Variants in FSD1 observed in about 807,000 individuals in gnomAD.
FSD1 encodes fibronectin type III and SPRY domain-containing protein 1.
In FSD1, 23 loss-of-function variants were observed where a neutral mutation model predicts 58.2. The observed-to-expected ratio is 0.40, with a 90% CI of 0.28 to 0.56. The LOEUF (loss-of-function observed/expected upper bound fraction) is 0.56. Ranked by LOEUF, FSD1 falls within the 20% of genes least tolerant of loss-of-function variation. The pLI is 0.54. For synonymous variants in FSD1, 265 were observed against 263.4 expected (o/e 1.01, Z -0.06); for missense variants, 563 against 670.8 (o/e 0.84, Z 1.78).
Position 4,323,607 on chromosome 19 carries a change from C to G in FSD1, c.1455C>G (p.Gly485=). 1 of 1,613,144 alleles carries G rather than the reference C, an allele frequency of 6.2e-7. No individual in the cohort carries two copies. The highest frequency in any genetic ancestry group is 1.3e-5 in the African/African-American group (1 of 75,000). The change falls in exon 13 of 13, where the codon GGC becomes GGG. Residue 485 remains glycine, a synonymous_variant. Transcript: ENST00000221856. This position sits in a 1 kb window ranked among gnomAD's most constrained non-coding sequence, Gnocchi z 7.7. The stretch of plus-strand genomic sequence containing the variant: ...CTGTGCGCTGCCTGCAAAAGCGAGG[C>G]AGTGCTACCAGCAGCTCCAACACCA... ...PSAVRCLQKR[G]SATSSSNTSL...
intron 7 of FSD1, among the ~76,000 whole-genome samples, chr19:4,313,716 CAAA>C (rs545387721): frequency 9.9e-6 from 1 of 101,180 alleles, no homozygotes; most frequent in Non-Finnish European, 2.0e-5. Flanking sequence ...GACTCCGTCT[CAAA>C]AAAAAAAAAA....
At chr19:4,320,195 G>A (rs759952799) in intron 10 of FSD1, among the ~76,000 whole-genome samples, 2 of 152,078 alleles carry the variant, frequency 1.3e-5, no homozygotes, top group Middle Eastern at 3.2e-3. Flanking sequence ...GGGAGAACCT[G>A]CCTTCCACGT....
At chr19:4,315,453 C>T (rs1462812790) in intron 7 of FSD1, among the ~76,000 whole-genome samples, 10 of 151,500 alleles carry the variant, frequency 6.6e-5, no homozygotes, top group African/African-American at 9.7e-5. Context: ...GGACTACAGG[C>T]GCCTGCCACC....
At chr19:4,317,865 A>G (rs1189918743) in intron 8 of FSD1, among the ~76,000 whole-genome samples, 5 of 152,064 alleles carry the variant, frequency 3.3e-5, no homozygotes, top group African/African-American at 1.2e-4. Flanking sequence ...GAAAATACAA[A>G]AATTAGCTGG....
chr19:4,321,745 C>G (rs977098537), intron 10 of FSD1, among the ~76,000 whole-genome samples: 1 of 148,416 alleles, frequency 6.7e-6, no homozygotes, highest in South Asian at 2.2e-4. Flanking sequence ...GGGGAAATAG[C>G]TGGGGCCCAA....
At position 4,307,862 on chromosome 19, in the gene FSD1, T is replaced by C; in HGVS notation, c.244-20T>C. The C allele has an allele frequency of 1.2e-6, 2 of 1,603,540 alleles. No homozygotes were observed. Among genetic ancestry groups the C allele is most frequent in the Non-Finnish European group, 1.7e-6 (2 of 1,173,164 alleles). ...GCAGTGGGGTGAGTTGTCCCCTCCT[T>C]TGGTGCCTGGTATCCACAGAACCAG... is the stretch of plus-strand genomic sequence containing the variant. On this transcript the variant is annotated intron_variant, in intron 3 of 12. Coordinates refer to ENST00000221856, the MANE Select transcript of FSD1 (RefSeq NM_024333.3).
chr19:4,319,017 G>A, intron 10 of FSD1, 66 bp downstream of exon 10: 2 of 1,299,608 alleles, frequency 1.5e-6, no homozygotes, highest in South Asian at 1.2e-5. Context: ...GGGGGTTGAG[G>A]GAGAACCTTT....
rs1971815822 is a variant in FSD1, at chr19:4,321,356, G to A, written c.1040-1630G>A. Among the ~76,000 whole-genome samples, 5 of 123,792 alleles carry A rather than the reference G, an allele frequency of 4.0e-5. No homozygotes were observed. The South Asian group carries it at 1.5e-3, about 37-fold the overall frequency. 81.2% of individuals were successfully genotyped at this position (123,792 alleles called of 152,430 possible). ...GGAGTATCTGGAGGGGAATAGCTGG[G>A]ACTGAGGAGTATCTGGGGAAATAGC... is the stretch of plus-strand genomic sequence containing the variant. On this transcript the variant is annotated intron_variant, in intron 10 of 12. Transcript: ENST00000221856.
chr19:4,309,076 AAAAAT>A (rs929887610), intron 4 of FSD1, among the ~76,000 whole-genome samples: 10 of 152,024 alleles, frequency 6.6e-5, no homozygotes, highest in African/African-American at 1.9e-4. Flanking sequence ...CTCTGTTTCA[AAAAAT>A]AAAATAAAAT....
At chr19:4,308,999 C>G (rs1218105645) in intron 4 of FSD1, among the ~76,000 whole-genome samples, 1 of 152,150 alleles carries the variant, frequency 6.6e-6, no homozygotes, top group Admixed American at 6.5e-5. Flanking sequence ...GGTGTGAACC[C>G]GGGAGGCAGA....
At chr19:4,315,298 T>C (rs528731636) in intron 7 of FSD1, among the ~76,000 whole-genome samples, 101 of 143,242 alleles carry the variant, frequency 7.1e-4, no homozygotes, top group African/African-American at 2.5e-3. Context: ...CAACGCCTGG[T>C]TAATTTTTTT....
intron 7 of FSD1, among the ~76,000 whole-genome samples, chr19:4,314,090 G>T (rs1309988093): frequency 6.6e-6 from 1 of 152,100 alleles, no homozygotes; most frequent in African/African-American, 2.4e-5. Flanking sequence ...GCGGGGAGAG[G>T]CTGGCTGACG....
intron 4 of FSD1, 144 bp downstream of exon 4, chr19:4,308,127 A>C (rs1038725747): frequency 2.8e-5 from 18 of 649,196 alleles, no homozygotes; most frequent in Non-Finnish European, 4.3e-5. Context: ...GAAAGTGTCC[A>C]GGCCGGGCAC....
chr19:4,310,333 G>A, intron 5 of FSD1, 38 bp downstream of exon 5: 1 of 1,613,520 alleles, frequency 6.2e-7, no homozygotes, highest in Non-Finnish European at 8.5e-7. Context: ...CCACTACCCT[G>A]CCCCTGGTGT....
At chr19:4,309,566 C>T (rs1432324603) in intron 4 of FSD1, among the ~76,000 whole-genome samples, 1 of 152,136 alleles carries the variant, frequency 6.6e-6, no homozygotes. Context: ...ATACCTTCCT[C>T]GAGAGGCCTC....
chr19:4,305,837 T>TACGTGTGTGCATGTGTGTGC (rs1971613028), intron 1 of FSD1, 109 bp from the exon 2 acceptor site: 4 of 788,554 alleles, frequency 5.1e-6, no homozygotes, highest in East Asian at 4.9e-5. Context: ...TGCATTTATG[T>TACGTGTGTGCATGTGTGTGC]ACGTGTGTGC....
intron 6 of FSD1, 99 bp downstream of exon 6, chr19:4,310,695 T>C (rs797017973): frequency 1.4e-6 from 2 of 1,383,704 alleles, no homozygotes; most frequent in South Asian, 1.3e-5. Flanking sequence ...GACGACCCGG[T>C]GTCTGAATTC....
chr19:4,315,892 G>T (rs945489428), intron 7 of FSD1, among the ~76,000 whole-genome samples: 1 of 151,782 alleles, frequency 6.6e-6, no homozygotes, highest in African/African-American at 2.4e-5. Context: ...GCCTCCCAAA[G>T]TGCTGGGATT....
Position 4,311,925 on chromosome 19 carries a change from G to T in FSD1, c.574G>T (p.Asp192Tyr). The T allele has an allele frequency of 6.2e-7, 1 of 1,614,158 alleles. No homozygotes were observed. The highest frequency in any genetic ancestry group is 1.7e-5 in the Admixed American group (1 of 60,018). Reference protein sequence around the residue: ...VTLVWRMPDEDSKIDHYVLEY... With the variant: ...VTLVWRMPDEYSKIDHYVLEY... ...CCTGGTGTGGCGCATGCCGGATGAG[G>T]ACAGCAAGATTGACCACTACGTGCT... Residue 192 changes from aspartate to tyrosine, a missense_variant, in exon 7 of 13, where the codon GAC (aspartate) becomes TAC (tyrosine). Coordinates refer to ENST00000221856, the MANE Select transcript of FSD1 (RefSeq NM_024333.3).
Sources: gnomAD v4.1 joint callset for allele counts (sites outside exome capture counted in the v4.1 genomes callset) on GRCh38, gnomAD v4.1.1 for gene constraint, Gnocchi (gnomAD v3.1) non-coding constraint, MANE v1.5 for transcripts, NCBI Gene and HGNC (gene_info 2026-07-23, HGNC 2026-07-21) for gene names.